The following DDB2 variants were observed in gnomAD, a reference collection of about 807,000 sequenced individuals.
DDB2 encodes the protein DNA damage-binding protein 2.
A neutral mutation model predicts 50.5 loss-of-function variants in DDB2; 27 were observed. The observed-to-expected ratio is 0.53, with a 90% CI of 0.39 to 0.74. DDB2 has a LOEUF of 0.74. Ranked by LOEUF, DDB2 falls within the 30% of genes least tolerant of loss-of-function variation. The probability of loss-of-function intolerance (pLI) is 0.00; values close to 1 mark genes in which losing one functional copy is unlikely to be tolerated. For synonymous variants in DDB2, 176 were observed against 205.5 expected (o/e 0.86, Z 1.23); for missense variants, 424 against 545.6 (o/e 0.78, Z 2.22).
Position 47,215,076 on chromosome 11 carries a change from T to A in DDB2, c.-61T>A. 6.2e-7 allele frequency: 1 copy of A among 1,613,040 alleles called. No homozygotes were observed. Among genetic ancestry groups the A allele is most frequent in the Non-Finnish European group, 8.5e-7 (1 of 1,179,438 alleles). On this transcript the variant is annotated 5_prime_UTR_variant, in exon 1 of 10. Coordinates refer to ENST00000256996, the MANE Select transcript of DDB2 (RefSeq NM_000107.3). ...CCCGCCTTGTTTCTCCCCAGAGGCC[T>A]CTCAATCCTCCCTCCATGATCTTCG... is the stretch of plus-strand genomic sequence containing the variant.
intron 1 of DDB2, 148 bp from the exon 2 acceptor site, chr11:47,216,188 G>C (rs752780570): frequency 8.4e-7 from 1 of 1,191,552 alleles, no homozygotes. Flanking sequence ...TCTGGTGCTC[G>C]TTGAGACCAC....
At chr11:47,232,321 C>G (rs1953660051) in intron 3 of DDB2, among the ~76,000 whole-genome samples, 1 of 150,546 alleles carries the variant, frequency 6.6e-6, no homozygotes, top group Non-Finnish European at 1.5e-5. Context: ...GACTCCATCT[C>G]AAAAACATAA....
chr11:47,222,526 A>T (rs781493486), intron 3 of DDB2, among the ~76,000 whole-genome samples: 1 of 152,130 alleles, frequency 6.6e-6, no homozygotes, highest in African/African-American at 2.4e-5. Context: ...AAATTTTGTT[A>T]TAGAGACAGA....
At chr11:47,232,702 C>A in intron 3 of DDB2, 112 bp from the exon 4 acceptor site, 1 of 1,170,608 alleles carries the variant, frequency 8.5e-7, no homozygotes, top group Non-Finnish European at 1.3e-6. Context: ...CTGACCTGGC[C>A]CCAAGCGCTG....
At chr11:47,223,248 G>C (rs534291378) in intron 3 of DDB2, among the ~76,000 whole-genome samples, 1 of 150,674 alleles carries the variant, frequency 6.6e-6, no homozygotes, top group Non-Finnish European at 1.5e-5. Context: ...ATTTTGGGGG[G>C]CCAAGGCAAG....
At chr11:47,227,099 CTTTTTT>C (rs34243882) in intron 3 of DDB2, among the ~76,000 whole-genome samples, 1 of 32,122 alleles carries the variant, frequency 3.1e-5, no homozygotes, top group Non-Finnish European at 5.1e-5. Flanking sequence ...GGATATTAAC[CTTTTTT>C]TTTTTTTTTT....
Position 47,228,977 on chromosome 11 carries a change from A to ATTATCTATC in DDB2, c.457-3836_457-3835insTATCTATCT, listed in dbSNP as rs1554974378. Among the ~76,000 whole-genome samples, 47 of 124,690 alleles carry ATTATCTATC rather than the reference A, an allele frequency of 3.8e-4. 2 individuals are homozygous for ATTATCTATC. The highest frequency in any genetic ancestry group is 4.3e-3 in the Middle Eastern group (1 of 232). The allele number at this position is 124,690 out of a possible 152,430, so 81.8% of individuals were successfully genotyped here. A position where few individuals can be genotyped will look rare whatever the true frequency, so the allele number is the denominator to read the frequency against. On this transcript the variant is annotated intron_variant, in intron 3 of 9. Transcript: ENST00000256996. ...ATCTCAAAAAAAAAAAAAAAAAGAA[A>ATTATCTATC]TATCTATCTATCTATCTATCTATCT...
chr11:47,230,104 C>T (rs967964839), intron 3 of DDB2, among the ~76,000 whole-genome samples: 7 of 148,712 alleles, frequency 4.7e-5, no homozygotes, highest in African/African-American at 1.5e-4. Flanking sequence ...TTGAGACTGG[C>T]CTGAGTTACA....
At position 47,215,271 on chromosome 11, in the gene DDB2, C is replaced by CT; in HGVS notation, c.127+9dup. ...TCTGTGCGAAGGGCTCCGGTACTGC[C>CT]TGTGCCTGCTGCTTGAATATTTCCG... On this transcript the variant is annotated intron_variant, in intron 1 of 9. Transcript: ENST00000256996. 6.2e-7 allele frequency: 1 copy of CT among 1,613,882 alleles called. No individual in the cohort carries two copies. Among genetic ancestry groups the CT allele is most frequent in the Non-Finnish European group, 8.5e-7 (1 of 1,179,984 alleles).
intron 3 of DDB2, chr11:47,229,832 T>TC (rs1362548335): frequency 2.4e-6 from 1 of 421,180 alleles, no homozygotes; most frequent in Admixed American, 3.0e-5. Context: ...TTTTTTTTTT[T>TC]TTTCTTCTTC....
intron 4 of DDB2, 151 bp downstream of exon 4, chr11:47,233,110 T>G: frequency 1.1e-6 from 1 of 951,950 alleles, no homozygotes; most frequent in Non-Finnish European, 1.7e-6. Context: ...TTTCTCAAAC[T>G]GCTCCTTGGC....
chr11:47,237,092 C>A (rs1953735870), intron 7 of DDB2, among the ~76,000 whole-genome samples: 2 of 152,156 alleles, frequency 1.3e-5, no homozygotes, highest in South Asian at 4.1e-4. Flanking sequence ...AGCAATTTTA[C>A]ACTCAGCTCT....
At chr11:47,238,066 A>T in intron 8 of DDB2, 65 bp downstream of exon 8, 2 of 1,612,572 alleles carry the variant, frequency 1.2e-6, no homozygotes, top group Non-Finnish European at 1.7e-6. Context: ...TATTGACCAA[A>T]AGTGACCAGA....
At chr11:47,215,295 C>A (rs1423198679) in intron 1 of DDB2, 32 bp downstream of exon 1, 1 of 1,613,378 alleles carries the variant, frequency 6.2e-7, no homozygotes, top group East Asian at 2.2e-5. Context: ...TGAATATTTC[C>A]GCCTTTTAGG....
chr11:47,227,826 G>A (rs569687036), intron 3 of DDB2, among the ~76,000 whole-genome samples: 3 of 152,076 alleles, frequency 2.0e-5, no homozygotes, highest in Non-Finnish European at 2.9e-5. Flanking sequence ...CCAAATCCTT[G>A]TCACATTTGT....
At position 47,238,177 on chromosome 11, in the gene DDB2, G is replaced by A. The variant is rs143049891; in HGVS notation, c.1228G>A (p.Ala410Thr). ...TCCCATGGGGGACACGCTGGCCTCT[G>A]CAATGGGTGAGTAGGAGGAGAATGT... is the stretch of plus-strand genomic sequence containing the variant. ...FNPMGDTLAS[A>T]MGYHILIWSQ... is the part of the protein sequence containing the mutation. The change falls in exon 9 of 10, where the codon GCA (alanine) becomes ACA (threonine). Residue 410 changes from alanine (A) to threonine (T), a missense_variant. By Grantham distance (58) the Ala-to-Thr change is moderately conservative (BLOSUM62 0). Coordinates refer to ENST00000256996, the MANE Select transcript of DDB2 (RefSeq NM_000107.3). The A allele has an allele frequency of 3.7e-3, 5,905 of 1,610,774 alleles. 19 individuals carry two copies. Among genetic ancestry groups the A allele is most frequent in the Non-Finnish European group, 4.5e-3 (5,349 of 1,178,334 alleles).
chr11:47,223,510 G>A (rs1389234620), intron 3 of DDB2, among the ~76,000 whole-genome samples: 1 of 151,744 alleles, frequency 6.6e-6, no homozygotes, highest in Non-Finnish European at 1.5e-5. Context: ...GCTGGGCGCG[G>A]TGGCTGACAC....
At chr11:47,215,334 A>G in intron 1 of DDB2, 71 bp downstream of exon 1, 2 of 1,608,184 alleles carry the variant, frequency 1.2e-6, no homozygotes, top group South Asian at 1.1e-5. Context: ...GCAGCGGGGG[A>G]TGGGTGCTCC....
intron 3 of DDB2, among the ~76,000 whole-genome samples, chr11:47,220,040 C>T (rs1227095496): frequency 2.0e-5 from 3 of 152,142 alleles, no homozygotes; most frequent in Admixed American, 6.5e-5. Flanking sequence ...CCGCCCGCCT[C>T]GACCTCCCAA....
Sources: allele counts gnomAD v4.1 joint callset (sites outside exome capture counted in the v4.1 genomes callset), GRCh38; gene constraint gnomAD v4.1.1; transcripts MANE v1.5; gene names NCBI Gene and HGNC (gene_info 2026-07-23, HGNC 2026-07-21).